ZNF131: variants seen among roughly 807,000 people sequenced by gnomAD.
ZNF131 encodes the protein zinc finger and BTB domain containing 35.
In ZNF131, 7 loss-of-function variants were observed where a neutral mutation model predicts 60.0. The observed-to-expected ratio is 0.12, with a 90% CI of 0.07 to 0.22. The LOEUF is 0.22. ZNF131 is among the 10% of genes least tolerant of loss of function. The pLI is 1.00. For synonymous variants in ZNF131, 257 were observed against 253.2 expected (o/e 1.01, Z -0.14); for missense variants, 493 against 740.9 (o/e 0.67, Z 3.88).
At chr5:43,158,313 C>CGG (rs1247375578) in intron 4 of ZNF131, among the ~76,000 whole-genome samples, 2 of 146,956 alleles carry the variant, frequency 1.4e-5, no homozygotes, top group East Asian at 2.1e-4. Context: ...TTTTTTGAGA[C>CGG]AGTTTCACTC....
intron 4 of ZNF131, among the ~76,000 whole-genome samples, chr5:43,139,725 C>G (rs2112257558): frequency 6.6e-6 from 1 of 152,238 alleles, no homozygotes; most frequent in South Asian, 2.1e-4. Context: ...AGGAGATAAT[C>G]ATTTCAAGTT....
At chr5:43,144,583 T>G (rs1395702280) in intron 4 of ZNF131, among the ~76,000 whole-genome samples, 2 of 152,046 alleles carry the variant, frequency 1.3e-5, no homozygotes, top group Non-Finnish European at 2.9e-5. Flanking sequence ...GTTTTTCCTT[T>G]CAGTTTTTGT....
intron 1 of ZNF131, chr5:43,121,426 C>T (rs987048912): frequency 3.9e-5 from 6 of 152,474 alleles, no homozygotes; most frequent in Admixed American, 2.0e-4. Context: ...CCCGCCCATC[C>T]ACTGAGGGGT....
chr5:43,123,360 T>G (rs1174055193), intron 3 of ZNF131, 50 bp downstream of exon 3: 1 of 1,471,354 alleles, frequency 6.8e-7, no homozygotes, highest in Non-Finnish European at 9.3e-7. Flanking sequence ...GAAGCCATTT[T>G]ATTTAAATGC....
At chr5:43,132,775 A>C (rs1028216530) in intron 3 of ZNF131, among the ~76,000 whole-genome samples, 2 of 152,158 alleles carry the variant, frequency 1.3e-5, no homozygotes, top group Non-Finnish European at 2.9e-5. Context: ...GTCCTCCCAA[A>C]GTGCTGGGAT....
chr5:43,125,078 A>G (rs778486808), intron 3 of ZNF131: 1 of 152,042 alleles, frequency 6.6e-6, no homozygotes, highest in African/African-American at 2.4e-5. Context: ...TCTATAATAT[A>G]TCATGTACTA....
At chr5:43,146,118 C>T (rs1747543316) in intron 4 of ZNF131, among the ~76,000 whole-genome samples, 1 of 152,062 alleles carries the variant, frequency 6.6e-6, no homozygotes, top group African/African-American at 2.4e-5. Flanking sequence ...ATTAATTTAG[C>T]TGGACTACTT....
intron 5 of ZNF131, among the ~76,000 whole-genome samples, chr5:43,172,236 CT>C (rs1261431063): frequency 6.6e-6 from 1 of 152,228 alleles, no homozygotes; most frequent in Non-Finnish European, 1.5e-5. Context: ...GCTGTTTTAA[CT>C]TGGTGTTTCA....
chr5:43,128,932 A>T (rs913392720), intron 3 of ZNF131, among the ~76,000 whole-genome samples: 15 of 151,690 alleles, frequency 9.9e-5, no homozygotes, highest in African/African-American at 3.2e-4. Context: ...TTTATTATTT[A>T]TTATTATTAC....
chr5:43,146,855 G>A (rs998968545), intron 4 of ZNF131, among the ~76,000 whole-genome samples: 4 of 152,064 alleles, frequency 2.6e-5, no homozygotes, highest in East Asian at 3.9e-4. Context: ...GCAGTGAGCC[G>A]AGATCACGCC....
chr5:43,161,617 T>C lies in ZNF131; in HGVS notation c.740T>C (p.Ile247Thr), dbSNP rs1200080055. 1.4e-5 allele frequency: 22 copies of C among 1,614,110 alleles called. No individual in the cohort carries two copies. The highest frequency in any genetic ancestry group is 1.8e-5 in the Non-Finnish European group (21 of 1,180,022). ...CCCACGAGCAAACAGGTAGAAGGTA[T>C]TGAAATTGTGGAACTTCAGCTGTCA... is the stretch of plus-strand genomic sequence containing the variant. The part of the protein sequence containing the change: ...SDPTSKQVEG[I>T]EIVELQLSHV... The change falls in exon 5 of 7, where the codon ATT becomes ACT. Residue 247 changes from isoleucine (I) to threonine (T), a missense_variant. Transcript: ENST00000682664.
At chr5:43,150,319 G>C (rs963296348) in intron 4 of ZNF131, among the ~76,000 whole-genome samples, 10 of 152,184 alleles carry the variant, frequency 6.6e-5, no homozygotes, top group African/African-American at 2.4e-4. Context: ...ACTTTGAAAA[G>C]ATAGTCCAAA....
Position 43,130,690 on chromosome 5 carries a change from G to A in ZNF131, c.226+7380G>A, listed in dbSNP as rs1461925339. On this transcript the variant is annotated intron_variant, in intron 3 of 6. Transcript: ENST00000682664. ...AGCGATTCTCTTGCCTCAGCCTCTCGAGTAGCTGGGATTACAGGCATGCAC... is the reference window on the plus strand; with the variant it reads ...AGCGATTCTCTTGCCTCAGCCTCTCAAGTAGCTGGGATTACAGGCATGCAC... Among the ~76,000 whole-genome samples, 13 of 151,888 alleles carry A rather than the reference G, an allele frequency of 8.6e-5. 1 individual carries two copies. Among genetic ancestry groups the A allele is most frequent in the African/African-American group, 1.7e-4 (7 of 41,400 alleles).
chr5:43,121,991 C>T (rs192738655), intron 1 of ZNF131, 48 bp from the exon 2 acceptor site: 280 of 1,574,482 alleles, frequency 1.8e-4, no homozygotes, highest in African/African-American at 9.1e-4. Context: ...GGGTTTTGTT[C>T]CTCGGCTCGA....
chr5:43,144,148 T>C (rs1747251518), intron 4 of ZNF131, among the ~76,000 whole-genome samples: 2 of 150,676 alleles, frequency 1.3e-5, no homozygotes, highest in African/African-American at 4.9e-5. Context: ...GGTCTCGATC[T>C]CCTGACCTCG....
At chr5:43,140,915 C>T (rs979002999) in intron 4 of ZNF131, among the ~76,000 whole-genome samples, 4 of 152,056 alleles carry the variant, frequency 2.6e-5, no homozygotes, top group Non-Finnish European at 5.9e-5. Flanking sequence ...GTGGGGATTT[C>T]GCCATGTTGC....
intron 5 of ZNF131, chr5:43,168,092 ATTCCCATGATAAC>A: frequency 2.6e-6 from 1 of 379,742 alleles, no homozygotes; most frequent in Admixed American, 3.3e-5. Flanking sequence ...CACCCATCCC[ATTCCCATGATAAC>A]CCATTAATTC....
In ZNF131 at chr5:43,139,378, T is replaced by TA. The variant is rs373156597; in HGVS notation, c.371+70dup. On this transcript the variant is annotated intron_variant, in intron 4 of 6. Transcript: ENST00000682664. ...ATGTTCATTCTGTTAGTGAAGAACTTACAGTATGTGTCATGCCATGAAGAA... is the reference window on the plus strand; with the variant it reads ...ATGTTCATTCTGTTAGTGAAGAACTTAACAGTATGTGTCATGCCATGAAGAA... The TA allele has an allele frequency of 1.0e-4, 139 of 1,383,740 alleles. No homozygotes were observed. In the South Asian group the frequency reaches 2.5e-3, roughly 25 times the overall value. The allele number at this position is 1,383,740 out of a possible 1,614,324, so 85.7% of individuals were successfully genotyped here. A position where few individuals can be genotyped will look rare whatever the true frequency, so the allele number is the denominator to read the frequency against.
intron 3 of ZNF131, among the ~76,000 whole-genome samples, chr5:43,132,505 C>CTTTTTTTTTTTTTT (rs4050538): frequency 1.1e-5 from 1 of 93,504 alleles, no homozygotes; most frequent in Non-Finnish European, 2.0e-5. Flanking sequence ...GAATGGTATT[C>CTTTTTTTTTTTTTT]TTTTTTTTTT....
Sources: allele counts gnomAD v4.1 joint callset (sites outside exome capture counted in the v4.1 genomes callset), GRCh38; gene constraint gnomAD v4.1.1; transcripts MANE v1.5; gene names NCBI Gene and HGNC (gene_info 2026-07-23, HGNC 2026-07-21).